TMEM11: variants seen among roughly 807,000 people sequenced by gnomAD.
TMEM11 encodes transmembrane protein 11.
TMEM11 carries 1 observed loss-of-function variant against 17.0 expected under a neutral mutation model. The observed-to-expected ratio is 0.06, with a 90% confidence interval of 0.02 to 0.28. The LOEUF (loss-of-function observed/expected upper bound fraction) is 0.28, where lower values mean the gene tolerates loss of function less well. TMEM11 is among the 10% of genes least tolerant of loss of function. The pLI, the probability that TMEM11 is intolerant of heterozygous loss-of-function variation, is 1.00. For missense variants in TMEM11, 172 were observed against 252.9 expected (o/e 0.68, Z 2.17); for synonymous variants, 122 against 118.1 (o/e 1.03, Z -0.21).
At chr17:21,211,185 A>G (rs757639499) in intron 1 of TMEM11, 28 of 1,289,874 alleles carry the variant, frequency 2.2e-5, no homozygotes, top group Non-Finnish European at 2.7e-5. Flanking sequence ...TTCAGGTTAC[A>G]GCTCAGAGTC....
chr17:21,206,610 C>A (rs1412609370), intron 1 of TMEM11, among the ~76,000 whole-genome samples: 1 of 152,128 alleles, frequency 6.6e-6, no homozygotes, highest in Non-Finnish European at 1.5e-5. Context: ...AATCTCGGAG[C>A]ACTGCAACCT....
At chr17:21,210,075 C>T (rs559239403) in intron 1 of TMEM11, among the ~76,000 whole-genome samples, 3 of 152,290 alleles carry the variant, frequency 2.0e-5, no homozygotes, top group Middle Eastern at 3.4e-3. Context: ...AGGTGCACAC[C>T]GACAAGCCGG....
At chr17:21,200,572 TA>T (rs2144289207) in intron 1 of TMEM11, among the ~76,000 whole-genome samples, 1 of 152,292 alleles carries the variant, frequency 6.6e-6, no homozygotes, top group South Asian at 2.1e-4. Context: ...CCCATCTGAC[TA>T]AAGGACACAA....
At chr17:21,205,426 T>C (rs1055994103) in intron 1 of TMEM11, among the ~76,000 whole-genome samples, 1 of 152,144 alleles carries the variant, frequency 6.6e-6, no homozygotes, top group African/African-American at 2.4e-5. Flanking sequence ...AAGGGTGCTG[T>C]GGTGCACTTG....
At position 21,198,410 on chromosome 17, in the gene TMEM11, G is replaced by C. The variant is rs1974843217; in HGVS notation, c.493C>G (p.Leu165Val). The C allele has an allele frequency of 6.2e-7, 1 of 1,614,240 alleles. No individual in the cohort carries two copies. Among genetic ancestry groups the C allele is most frequent in the Non-Finnish European group, 8.5e-7 (1 of 1,180,048 alleles). ...GTGTTGTGCAGTCTCTTTCTGTGCA[G>C]GTCGTCCTTCCGGACCAGCACCACC... The part of the protein sequence containing the change: ...TPVVLVRKDD[L>V]HRKRLHNTIA... The change falls in exon 2 of 2, where the codon CTG becomes GTG. Residue 165 changes from leucine to valine, a missense_variant. Physicochemically the swap from Leu to Val is conservative, Grantham distance 32. This residue lies in a region of TMEM11 where 123 missense variants were observed against 213.6 expected (regional missense o/e 0.58). Transcript: ENST00000317635. The surrounding 1 kb of genome is among the most constrained non-coding windows in gnomAD (Gnocchi z 6.5).
At chr17:21,212,863 G>A (rs1417026345) in intron 1 of TMEM11, among the ~76,000 whole-genome samples, 1 of 136,226 alleles carries the variant, frequency 7.3e-6, no homozygotes, top group Non-Finnish European at 1.6e-5. Context: ...TTATTTAAAT[G>A]GTCCAATCTA....
intron 1 of TMEM11, among the ~76,000 whole-genome samples, chr17:21,204,564 T>G (rs1974922544): frequency 6.6e-6 from 1 of 152,038 alleles, no homozygotes; most frequent in South Asian, 2.1e-4. Context: ...ACGTAGTGTA[T>G]TTTTAAAAGT....
chr17:21,206,839 GCAGCTTTACTGAGATAGAATTCA>G lies in TMEM11; in HGVS notation c.62+7229_62+7251del, dbSNP rs971417560. ...CTGGCCTGATTTGTATTTTTTAATG[GCAGCTTTACTGAGATAGAATTCA>G]CAGCTTTACTGAGATAGAATTCACA... On this transcript the variant is annotated intron_variant, in intron 1 of 1. Coordinates refer to ENST00000317635, the MANE Select transcript of TMEM11 (RefSeq NM_003876.3). Among the ~76,000 whole-genome samples, 10 of 152,114 alleles carry G rather than the reference GCAGCTTTACTGAGATAGAATTCA, an allele frequency of 6.6e-5. 1 individual carries two copies. Among genetic ancestry groups the G allele is most frequent in the Admixed American group, 2.6e-4 (4 of 15,250 alleles).
chr17:21,204,358 C>G (rs1350336157), intron 1 of TMEM11, among the ~76,000 whole-genome samples: 1 of 147,712 alleles, frequency 6.8e-6, no homozygotes, highest in Non-Finnish European at 1.5e-5. Flanking sequence ...TGCTTGAACG[C>G]AGGAGGCGGA....
At chr17:21,204,879 G>T (rs1263406816) in intron 1 of TMEM11, among the ~76,000 whole-genome samples, 1 of 152,032 alleles carries the variant, frequency 6.6e-6, no homozygotes, top group East Asian at 1.9e-4. Context: ...TGGGAGCAGG[G>T]GTCAGCCCGT....
At chr17:21,206,457 T>TCTG (rs1974943713) in intron 1 of TMEM11, among the ~76,000 whole-genome samples, 1 of 151,992 alleles carries the variant, frequency 6.6e-6, no homozygotes, top group Non-Finnish European at 1.5e-5. Context: ...TCCTAAGTGA[T>TCTG]CTGCCAGCCT....
chr17:21,211,879 T>C (rs1567637853), intron 1 of TMEM11, among the ~76,000 whole-genome samples: 1 of 152,198 alleles, frequency 6.6e-6, no homozygotes, highest in Non-Finnish European at 1.5e-5. Context: ...AACAAAGTCA[T>C]TTTAGAGAGC....
chr17:21,205,728 C>T (rs1286755448), intron 1 of TMEM11, among the ~76,000 whole-genome samples: 1 of 151,884 alleles, frequency 6.6e-6, no homozygotes, highest in East Asian at 1.9e-4. Context: ...CAAGCCCCTG[C>T]AAACTACCAT....
At chr17:21,199,140 G>A (rs1974853515) in intron 1 of TMEM11, among the ~76,000 whole-genome samples, 2 of 134,238 alleles carry the variant, frequency 1.5e-5, no homozygotes, top group Admixed American at 1.5e-4. Flanking sequence ...CCAACATGGT[G>A]AAACCCTGTC....
intron 1 of TMEM11, among the ~76,000 whole-genome samples, chr17:21,199,102 T>G (rs997351246): frequency 6.6e-6 from 1 of 151,718 alleles, no homozygotes; most frequent in Non-Finnish European, 1.5e-5. Flanking sequence ...GGGCGGATCA[T>G]GAGGTCAGGA....
intron 1 of TMEM11, among the ~76,000 whole-genome samples, chr17:21,205,631 C>T (rs1014409377): frequency 6.6e-6 from 1 of 152,010 alleles, no homozygotes; most frequent in African/African-American, 2.4e-5. Context: ...ATGTACCAAC[C>T]ATCACCACCA....
At chr17:21,211,375 T>G (rs1475201608) in intron 1 of TMEM11, 1 of 544,442 alleles carries the variant, frequency 1.8e-6, no homozygotes, top group African/African-American at 2.0e-5. Context: ...CTGTCCAATA[T>G]GGTAGCCACA....
At chr17:21,211,823 C>G (rs929346659) in intron 1 of TMEM11, among the ~76,000 whole-genome samples, 1 of 152,160 alleles carries the variant, frequency 6.6e-6, no homozygotes, top group Non-Finnish European at 1.5e-5. Flanking sequence ...AGAGAGCACT[C>G]GTATAACATG....
chr17:21,207,867 G>A (rs1203194333), intron 1 of TMEM11, among the ~76,000 whole-genome samples: 1 of 151,830 alleles, frequency 6.6e-6, no homozygotes, highest in Non-Finnish European at 1.5e-5. Flanking sequence ...CAGCCAGGGG[G>A]ACAAGAGCGA....
Sources: gnomAD v4.1 joint callset for allele counts (sites outside exome capture counted in the v4.1 genomes callset) on GRCh38, gnomAD v4.1.1 for gene constraint, gnomAD v4.1.1 regional missense constraint, Gnocchi (gnomAD v3.1) non-coding constraint, MANE v1.5 for transcripts, NCBI Gene and HGNC (gene_info 2026-07-23, HGNC 2026-07-21) for gene names.